The following EXOC6 variants were observed in gnomAD, a reference collection of about 807,000 sequenced individuals.
EXOC6 encodes SEC15-like 1.
EXOC6 carries 60 observed loss-of-function variants against 112.5 expected under a neutral mutation model. The ratio of observed to expected loss-of-function variants is 0.53; its 90% CI spans 0.43 to 0.66. The LOEUF is 0.66. EXOC6 is among the 30% of genes least tolerant of loss of function. The pLI is 0.00. For synonymous variants in EXOC6, 295 were observed against 308.0 expected (o/e 0.96, Z 0.44); for missense variants, 855 against 957.1 (o/e 0.89, Z 1.41).
Position 92,928,384 on chromosome 10 carries a change from A to G in EXOC6, c.934A>G (p.Lys312Glu). 1 of 1,610,922 alleles carries G rather than the reference A, an allele frequency of 6.2e-7. No individual in the cohort carries two copies. The highest frequency in any genetic ancestry group is 8.5e-7 in the Non-Finnish European group (1 of 1,178,362). The change falls in exon 9 of 22, where the codon AAA (lysine) becomes GAA (glutamate). Residue 312 changes from lysine to glutamate, a missense_variant. This residue lies in a region of EXOC6 where 405 missense variants were observed against 393.6 expected (regional missense o/e 1.03). Transcript: ENST00000260762. ...AAACTATTATCGAAAACAAAGAAAG[A>G]AACAAGCAAGACTGGTATTGCAACC... is the stretch of plus-strand genomic sequence containing the variant. ...FENYYRKQRK[K>E]QARLVLQPQS... is the part of the protein sequence containing the mutation.
chr10:92,904,245 A>G (rs1345220893), intron 5 of EXOC6, among the ~76,000 whole-genome samples: 1 of 152,116 alleles, frequency 6.6e-6, no homozygotes, highest in African/African-American at 2.4e-5. Context: ...GGCAATTGTG[A>G]ATAAAGCTGC....
chr10:92,850,088 C>T (rs1347155785), intron 1 of EXOC6, among the ~76,000 whole-genome samples: 1 of 152,182 alleles, frequency 6.6e-6, no homozygotes, highest in African/African-American at 2.4e-5. Flanking sequence ...GTTTTCATCA[C>T]TGCATCTTGA....
intron 1 of EXOC6, among the ~76,000 whole-genome samples, chr10:92,866,160 T>C (rs1848165369): frequency 6.6e-6 from 1 of 152,216 alleles, no homozygotes; most frequent in African/African-American, 2.4e-5. Context: ...TCTTACTATT[T>C]TTCCTAGTAT....
intron 20 of EXOC6, among the ~76,000 whole-genome samples, chr10:93,024,510 C>A (rs1197334626): frequency 6.6e-6 from 1 of 152,172 alleles, no homozygotes; most frequent in Non-Finnish European, 1.5e-5. Context: ...TGGCTCACTG[C>A]AACCTCTGCC....
chr10:93,019,399 A>C (rs1394688947), intron 20 of EXOC6, among the ~76,000 whole-genome samples: 1 of 152,230 alleles, frequency 6.6e-6, no homozygotes, highest in African/African-American at 2.4e-5. Context: ...AATTAGTTAA[A>C]ATATACTTAT....
intron 19 of EXOC6, among the ~76,000 whole-genome samples, chr10:93,002,895 T>C (rs1843819879): frequency 6.6e-6 from 1 of 152,302 alleles, no homozygotes; most frequent in East Asian, 1.9e-4. Context: ...AAATCTTTAC[T>C]TAATAGCCTG....
chr10:93,056,873 A>T, intron 20 of EXOC6, 51 bp from the exon 21 acceptor site: 1 of 1,014,056 alleles, frequency 9.9e-7, no homozygotes, highest in East Asian at 2.5e-5. Flanking sequence ...TTTAAGTATT[A>T]ACTGGGTAAA....
intron 9 of EXOC6, 29 bp from the exon 10 acceptor site, chr10:92,934,115 T>C: frequency 7.3e-7 from 1 of 1,362,246 alleles, no homozygotes; most frequent in Non-Finnish European, 1.0e-6. Context: ...ATTTATTGGT[T>C]TAAATTGATT....
intron 20 of EXOC6, among the ~76,000 whole-genome samples, chr10:93,037,357 C>T (rs1387044965): frequency 1.3e-5 from 2 of 151,412 alleles, no homozygotes; most frequent in Admixed American, 1.3e-4. Flanking sequence ...CCAGATTGTT[C>T]TGAAACTCCT....
intron 20 of EXOC6, among the ~76,000 whole-genome samples, chr10:93,048,958 C>G (rs1846142341): frequency 6.6e-6 from 1 of 151,882 alleles, no homozygotes; most frequent in African/African-American, 2.4e-5. Context: ...GTCAGAAGAT[C>G]CTATTAAAAG....
chr10:92,935,000 G>A (rs61862291), intron 11 of EXOC6, among the ~76,000 whole-genome samples: 1,717 of 151,852 alleles, frequency 0.011, 19 homozygotes, highest in Non-Finnish European at 0.017. Context: ...GTCAGTGTAG[G>A]CCTTTTTAAA....
At chr10:92,942,671 TATG>T (rs1161621617) in intron 13 of EXOC6, among the ~76,000 whole-genome samples, 1 of 152,192 alleles carries the variant, frequency 6.6e-6, no homozygotes, top group Admixed American at 6.5e-5. Context: ...TATGATGTAA[TATG>T]ATATTTTTAT....
intron 18 of EXOC6, among the ~76,000 whole-genome samples, chr10:92,978,880 T>A (rs1414914493): frequency 6.6e-6 from 1 of 152,152 alleles, no homozygotes; most frequent in African/African-American, 2.4e-5. Flanking sequence ...AAGTGGTGGT[T>A]CTGGTTGGGC....
intron 20 of EXOC6, among the ~76,000 whole-genome samples, chr10:93,052,020 G>A (rs1314428409): frequency 6.6e-6 from 1 of 152,154 alleles, no homozygotes; most frequent in Non-Finnish European, 1.5e-5. Context: ...AGCAAACCTG[G>A]TATCCCCAAT....
At chr10:92,894,430 C>T (rs749725805) in intron 2 of EXOC6, among the ~76,000 whole-genome samples, 1 of 152,142 alleles carries the variant, frequency 6.6e-6, no homozygotes, top group Non-Finnish European at 1.5e-5. Context: ...AATGCAATCA[C>T]CATTTCCTAC....
intron 20 of EXOC6, among the ~76,000 whole-genome samples, chr10:93,023,065 TAGAA>T (rs1399647258): frequency 6.6e-6 from 1 of 151,826 alleles, no homozygotes; most frequent in Non-Finnish European, 1.5e-5. Flanking sequence ...CAAGCATACT[TAGAA>T]AGGCAAAAGA....
intron 1 of EXOC6, among the ~76,000 whole-genome samples, chr10:92,836,371 C>T (rs539477396): frequency 1.3e-4 from 20 of 152,108 alleles, no homozygotes; most frequent in Non-Finnish European, 2.9e-4. Flanking sequence ...AATCTTGTAC[C>T]TTGTCTTTCT....
chr10:92,831,385 A>G (rs1846474334), upstream of EXOC6: 1 of 1,253,298 alleles, frequency 8.0e-7, no homozygotes, highest in South Asian at 1.2e-5. Flanking sequence ...TGGTTTGTTA[A>G]TTAAACTACT....
intron 19 of EXOC6, among the ~76,000 whole-genome samples, chr10:92,998,278 A>G (rs1043131346): frequency 3.3e-5 from 5 of 152,154 alleles, no homozygotes; most frequent in East Asian, 1.9e-4. Flanking sequence ...TATGTGAGCA[A>G]TTTTCAAGCA....
Sources: allele counts gnomAD v4.1 joint callset (sites outside exome capture counted in the v4.1 genomes callset), GRCh38; gene constraint gnomAD v4.1.1; regional missense constraint gnomAD v4.1.1; transcripts MANE v1.5; gene names NCBI Gene and HGNC (gene_info 2026-07-23, HGNC 2026-07-21).